The following GPC6 variants were observed in gnomAD, a reference collection of about 807,000 sequenced individuals.
The protein encoded by GPC6 is glypican-6.
In GPC6, 14 loss-of-function variants were observed where a neutral mutation model predicts 55.2. That is an observed-to-expected ratio of 0.25 (90% confidence interval 0.17 to 0.40). The LOEUF is 0.40. GPC6 is among the 10% of genes least tolerant of loss of function. GPC6 has a pLI of 1.00. For synonymous variants in GPC6, 278 were observed against 259.6 expected (o/e 1.07, Z -0.68); for missense variants, 641 against 708.5 (o/e 0.90, Z 1.08).
chr13:94,053,339 A>G (rs1038052709), intron 4 of GPC6, among the ~76,000 whole-genome samples: 1 of 152,196 alleles, frequency 6.6e-6, no homozygotes, highest in Non-Finnish European at 1.5e-5. Context: ...AAAACTCTGG[A>G]TTAGAGAGTT....
At chr13:93,583,517 C>A (rs542332796) in intron 2 of GPC6, among the ~76,000 whole-genome samples, 1 of 152,230 alleles carries the variant, frequency 6.6e-6, no homozygotes, top group South Asian at 2.1e-4. Context: ...CTCCCAGGTT[C>A]AAGGGATTCT....
At chr13:93,472,656 G>A (rs568056809) in intron 1 of GPC6, among the ~76,000 whole-genome samples, 1 of 152,286 alleles carries the variant, frequency 6.6e-6, no homozygotes, top group African/African-American at 2.4e-5. Context: ...CCCAAGTTTG[G>A]GCTCCTAGAA....
At chr13:93,529,317 A>G (rs1027730274) in intron 1 of GPC6, among the ~76,000 whole-genome samples, 4 of 152,086 alleles carry the variant, frequency 2.6e-5, no homozygotes, top group African/African-American at 9.7e-5. Context: ...TGGTAATACT[A>G]CTAACACTTG....
chr13:94,141,204 C>T (rs757688731), intron 4 of GPC6, among the ~76,000 whole-genome samples: 1 of 151,998 alleles, frequency 6.6e-6, no homozygotes, highest in South Asian at 2.1e-4. Context: ...GCATTGGTAT[C>T]GCCCAAAAAG....
At chr13:93,849,157 C>T (rs111549009) in intron 3 of GPC6, among the ~76,000 whole-genome samples, 8 of 152,148 alleles carry the variant, frequency 5.3e-5, no homozygotes, top group Admixed American at 1.3e-4. Context: ...ATATGGTAGA[C>T]GTTGAATAAA....
At chr13:93,798,918 CAAA>C (rs57665046) in intron 2 of GPC6, among the ~76,000 whole-genome samples, 4 of 86,216 alleles carry the variant, frequency 4.6e-5, no homozygotes, top group South Asian at 4.3e-4. Context: ...GACTCTGTCT[CAAA>C]AAAAAAAAAA....
At chr13:93,436,064 CCT>C (rs1235393706) in intron 1 of GPC6, among the ~76,000 whole-genome samples, 5 of 152,050 alleles carry the variant, frequency 3.3e-5, no homozygotes, top group Admixed American at 6.6e-5. Context: ...AGTAAATCCC[CCT>C]GTTTGAGACC....
chr13:93,369,829 C>A (rs1031938140), intron 1 of GPC6, among the ~76,000 whole-genome samples: 1 of 152,082 alleles, frequency 6.6e-6, no homozygotes, highest in African/African-American at 2.4e-5. Context: ...ATATTTCCAG[C>A]TTTAAAATTA....
intron 4 of GPC6, among the ~76,000 whole-genome samples, chr13:94,088,809 G>A (rs1885379865): frequency 6.6e-6 from 1 of 152,112 alleles, no homozygotes; most frequent in African/African-American, 2.4e-5. Context: ...CAAAAATCCA[G>A]AAAGCTCTAC....
intron 4 of GPC6, among the ~76,000 whole-genome samples, chr13:94,278,811 T>G (rs1284991137): frequency 6.6e-6 from 1 of 152,224 alleles, no homozygotes; most frequent in Non-Finnish European, 1.5e-5. Flanking sequence ...GGATGTGGTT[T>G]TTGATGTGCT....
rs1235408278 is a variant in GPC6, at chr13:93,819,429, G to A, written c.320-10725G>A. Among the ~76,000 whole-genome samples, 5 of 151,806 alleles carry A rather than the reference G, an allele frequency of 3.3e-5. No individual in the cohort carries two copies. The South Asian group carries it at 6.2e-4, about 19-fold the overall frequency. On this transcript the variant is annotated intron_variant, in intron 2 of 8. Coordinates refer to ENST00000377047, the MANE Select transcript of GPC6 (RefSeq NM_005708.5). ...TTTGGAAACCTAATTGCCTCTTACA[G>A]TTGAGAAAAAAAAAGCTGGGAATGA...
chr13:94,137,779 A>G (rs1887238594), intron 4 of GPC6, among the ~76,000 whole-genome samples: 1 of 152,172 alleles, frequency 6.6e-6, no homozygotes, highest in African/African-American at 2.4e-5. Flanking sequence ...CCTATTATTC[A>G]GGTGCAGTGT....
chr13:93,474,691 A>G (rs762518862), intron 1 of GPC6, among the ~76,000 whole-genome samples: 1 of 152,112 alleles, frequency 6.6e-6, no homozygotes. Context: ...TCTTCCATAT[A>G]CTGTGTACTT....
intron 4 of GPC6, among the ~76,000 whole-genome samples, chr13:94,195,615 A>G (rs1166900645): frequency 6.6e-6 from 1 of 152,204 alleles, no homozygotes; most frequent in Non-Finnish European, 1.5e-5. Context: ...TTTCTGCCCC[A>G]TAGGACTGTC....
At chr13:93,868,827 A>G (rs1889045816) in intron 3 of GPC6, among the ~76,000 whole-genome samples, 1 of 151,806 alleles carries the variant, frequency 6.6e-6, no homozygotes, top group African/African-American at 2.4e-5. Context: ...GAGTATATCT[A>G]AGTGATATCT....
At chr13:93,490,787 G>A (rs1379387260) in intron 1 of GPC6, among the ~76,000 whole-genome samples, 1 of 114,282 alleles carries the variant, frequency 8.8e-6, no homozygotes, top group Non-Finnish European at 1.8e-5. Flanking sequence ...TTTTGTTCTT[G>A]CGATAGTTTA....
chr13:94,092,680 A>G (rs1234504522), intron 4 of GPC6, among the ~76,000 whole-genome samples: 1 of 152,056 alleles, frequency 6.6e-6, no homozygotes, highest in Non-Finnish European at 1.5e-5. Flanking sequence ...TGGTAGTTCT[A>G]TTTTTAAGTT....
intron 4 of GPC6, among the ~76,000 whole-genome samples, chr13:94,204,989 C>T (rs758134183): frequency 6.6e-6 from 1 of 152,170 alleles, no homozygotes; most frequent in Non-Finnish European, 1.5e-5. Flanking sequence ...ATTCAATATT[C>T]TTAACCCTGG....
chr13:94,019,430 A>G (rs896562525), intron 3 of GPC6, among the ~76,000 whole-genome samples: 1 of 152,200 alleles, frequency 6.6e-6, no homozygotes, highest in Non-Finnish European at 1.5e-5. Context: ...TCAGATTGTC[A>G]GAAGCCAAGA....
Sources: gnomAD v4.1 joint callset for allele counts (sites outside exome capture counted in the v4.1 genomes callset) on GRCh38, gnomAD v4.1.1 for gene constraint, MANE v1.5 for transcripts, NCBI Gene and HGNC (gene_info 2026-07-23, HGNC 2026-07-21) for gene names.